BBX: variants seen among roughly 807,000 people sequenced by gnomAD.
BBX encodes HMG box transcription factor BBX.
A neutral mutation model predicts 100.2 loss-of-function variants in BBX; 30 were observed. That is an observed-to-expected ratio of 0.30 (90% CI 0.22 to 0.41). The LOEUF (loss-of-function observed/expected upper bound fraction) is 0.41. BBX is among the 10% of genes least tolerant of loss of function. The probability of loss-of-function intolerance (pLI) is 1.00; values close to 1 mark genes in which losing one functional copy is unlikely to be tolerated. For synonymous variants in BBX, 376 were observed against 388.1 expected, an observed-to-expected ratio of 0.97 and a Z score of 0.37; for missense variants, 1,023 against 1,129.8, an observed-to-expected ratio of 0.91 and a Z score of 1.35.
intron 2 of BBX, among the ~76,000 whole-genome samples, chr3:107,641,084 TTTC>T (rs1475483926): frequency 1.9e-5 from 2 of 107,710 alleles, no homozygotes; most frequent in Non-Finnish European, 3.7e-5. Context: ...ATTTCTTTTC[TTTC>T]TTTTTTTTTT....
chr3:107,718,871 GA>G (rs1253994865), intron 5 of BBX, among the ~76,000 whole-genome samples: 1 of 152,036 alleles, frequency 6.6e-6, no homozygotes, highest in African/African-American at 2.4e-5. Context: ...TTGCTGTTAG[GA>G]AATGTTGCCT....
intron 2 of BBX, among the ~76,000 whole-genome samples, chr3:107,597,217 G>A (rs995178787): frequency 2.0e-5 from 3 of 152,022 alleles, no homozygotes; most frequent in African/African-American, 7.2e-5. Context: ...AAATTTTTGT[G>A]TTAATTTGCC....
In BBX at chr3:107,696,097, C is replaced by T. The variant is rs1052159044; in HGVS notation, c.-9-14355C>T. On this transcript the variant is annotated intron_variant, in intron 3 of 17. Coordinates refer to ENST00000325805, the MANE Select transcript of BBX (RefSeq NM_001142568.3). ...TTTTGAGCCTATGTGTGTCTCTGCC[C>T]GTGAGATGGGTTTCCTGAATATAGC... is the stretch of plus-strand genomic sequence containing the variant. Among the ~76,000 whole-genome samples, 79 of 151,752 alleles carry T rather than the reference C, an allele frequency of 5.2e-4. 1 individual carries two copies. Among genetic ancestry groups the T allele is most frequent in the African/African-American group, 1.7e-3 (71 of 41,096 alleles).
At position 107,810,225 on chromosome 3, in the gene BBX, A is replaced by G. The variant is rs1406726486; in HGVS notation, c.*4768A>G. ...ATCTTTTTTTTAAAAAAAAAAAAAA[A>G]AAAGGTTCCTCTTCTGGCCAAATTT... is the stretch of plus-strand genomic sequence containing the variant. On this transcript the variant is annotated 3_prime_UTR_variant, in exon 18 of 18. Transcript: ENST00000325805. The G allele has an allele frequency of 6.6e-6, 1 of 151,932 alleles. No homozygotes were observed. The highest frequency in any genetic ancestry group is 1.5e-5 in the Non-Finnish European group (1 of 68,008). 9.4% of individuals were successfully genotyped at this position (151,932 alleles called of 1,614,324 possible).
chr3:107,561,704 T>C (rs1365577386), intron 2 of BBX, among the ~76,000 whole-genome samples: 1 of 152,146 alleles, frequency 6.6e-6, no homozygotes, highest in African/African-American at 2.4e-5. Flanking sequence ...CAATATCTGC[T>C]TCTGGGGAGA....
intron 3 of BBX, chr3:107,661,738 C>G: frequency 2.8e-6 from 1 of 357,432 alleles, no homozygotes; most frequent in Non-Finnish European, 3.9e-6. Flanking sequence ...CTCCTCTCAA[C>G]TCTTTATTTC....
chr3:107,551,488 C>T (rs531495683), intron 2 of BBX, among the ~76,000 whole-genome samples: 4 of 152,276 alleles, frequency 2.6e-5, no homozygotes, highest in South Asian at 2.1e-4. Flanking sequence ...TCGGAAAAAC[C>T]GTATCAGCTT....
chr3:107,679,004 C>T (rs537116689), intron 3 of BBX, among the ~76,000 whole-genome samples: 2 of 152,038 alleles, frequency 1.3e-5, no homozygotes, highest in African/African-American at 4.8e-5. Context: ...TTTATAGATG[C>T]GGGTTTACAA....
rs1246074548 is a variant in BBX, at chr3:107,685,031, G to A, written c.-9-25421G>A. ...AATTTTGTGGTAATTTTGTGGTAGG[G>A]TCACTATGAATGGCTTCCAAGAGAC... On this transcript the variant is annotated intron_variant, in intron 3 of 17. Transcript: ENST00000325805. Among the ~76,000 whole-genome samples the A allele has an allele frequency of 2.6e-5, 4 of 152,156 alleles. No individual in the cohort carries two copies. The East Asian group carries it at 7.7e-4, about 29-fold the overall frequency.
chr3:107,767,716 T>C (rs2066510121), intron 10 of BBX, among the ~76,000 whole-genome samples: 1 of 152,214 alleles, frequency 6.6e-6, no homozygotes, highest in Non-Finnish European at 1.5e-5. Flanking sequence ...CAGGGAATTA[T>C]CAAAGTCTCT....
chr3:107,720,621 G>T (rs2062462819), intron 5 of BBX, among the ~76,000 whole-genome samples: 1 of 152,022 alleles, frequency 6.6e-6, no homozygotes, highest in African/African-American at 2.4e-5. Flanking sequence ...TGGAGGTTCA[G>T]CTGTATGCCA....
intron 3 of BBX, among the ~76,000 whole-genome samples, chr3:107,686,885 T>G (rs2059881215): frequency 6.6e-6 from 1 of 152,144 alleles, no homozygotes; most frequent in Admixed American, 6.5e-5. Flanking sequence ...CCGTTAAAGG[T>G]CCAGATCTCC....
At chr3:107,779,022 C>CAT (rs1241281777) in intron 13 of BBX, among the ~76,000 whole-genome samples, 1 of 64,698 alleles carries the variant, frequency 1.5e-5, no homozygotes, top group African/African-American at 6.8e-5. Flanking sequence ...TATATATATA[C>CAT]ACACACACAC....
chr3:107,545,954 A>G (rs1263598312), intron 2 of BBX, among the ~76,000 whole-genome samples: 1 of 152,190 alleles, frequency 6.6e-6, no homozygotes, highest in Non-Finnish European at 1.5e-5. Flanking sequence ...GGGCACTAAA[A>G]TGTTGCTGGT....
At chr3:107,569,760 G>A (rs529375245) in intron 2 of BBX, among the ~76,000 whole-genome samples, 7 of 152,286 alleles carry the variant, frequency 4.6e-5, no homozygotes, top group Admixed American at 1.3e-4. Flanking sequence ...AGGGAAACAG[G>A]CCCTTGAAAA....
At chr3:107,614,928 G>C (rs1365377747) in intron 2 of BBX, among the ~76,000 whole-genome samples, 7 of 152,184 alleles carry the variant, frequency 4.6e-5, no homozygotes, top group Admixed American at 1.3e-4. Flanking sequence ...TGAATGTGAA[G>C]AGTGGCATGA....
chr3:107,538,590 T>G (rs1037542466), intron 2 of BBX, among the ~76,000 whole-genome samples: 9 of 152,126 alleles, frequency 5.9e-5, no homozygotes, highest in Non-Finnish European at 1.2e-4. Flanking sequence ...ATATATATTT[T>G]TTGATATACT....
intron 10 of BBX, among the ~76,000 whole-genome samples, chr3:107,762,210 T>G (rs2065953970): frequency 6.6e-6 from 1 of 152,160 alleles, no homozygotes; most frequent in Non-Finnish European, 1.5e-5. Flanking sequence ...GGGGAAGACT[T>G]TAGTAGATGG....
intron 2 of BBX, among the ~76,000 whole-genome samples, chr3:107,588,946 C>T (rs2053073330): frequency 6.6e-6 from 1 of 152,142 alleles, no homozygotes; most frequent in South Asian, 2.1e-4. Context: ...GAAATTAAAT[C>T]TCCCAAGTTA....
Sources: gnomAD v4.1 joint callset for allele counts (sites outside exome capture counted in the v4.1 genomes callset) on GRCh38, gnomAD v4.1.1 for gene constraint, MANE v1.5 for transcripts, NCBI Gene and HGNC (gene_info 2026-07-23, HGNC 2026-07-21) for gene names.